Variants in AXIN1 observed in about 807,000 individuals in gnomAD.
AXIN1 encodes the protein axin 1.
In AXIN1, 30 loss-of-function variants were observed where a neutral mutation model predicts 76.4. That is an observed-to-expected ratio of 0.39 (90% CI 0.29 to 0.53). AXIN1 has a LOEUF of 0.53. Ranked by LOEUF, AXIN1 falls within the 20% of genes least tolerant of loss-of-function variation. The probability of loss-of-function intolerance (pLI) is 0.66; values close to 1 mark genes in which losing one functional copy is unlikely to be tolerated. For missense variants in AXIN1, 1,140 were observed against 1,198.8 expected (o/e 0.95, Z 0.72); for synonymous variants, 545 against 501.4 (o/e 1.09, Z -1.16).
At chr16:289,689 T>G in intron 9 of AXIN1, 82 bp from the exon 10 acceptor site, 1 of 1,570,256 alleles carries the variant, frequency 6.4e-7, no homozygotes. Flanking sequence ...AGGCTGCCAG[T>G]GTAAGGCGGG....
At chr16:318,838 G>C (rs1407578695) in intron 2 of AXIN1, among the ~76,000 whole-genome samples, 5 of 152,176 alleles carry the variant, frequency 3.3e-5, no homozygotes, top group Admixed American at 2.6e-4. Context: ...TGTGCGGTGA[G>C]AATGCGGCTG....
intron 2 of AXIN1, among the ~76,000 whole-genome samples, chr16:315,624 G>C (rs941649232): frequency 2.6e-5 from 4 of 152,052 alleles, no homozygotes; most frequent in Non-Finnish European, 5.9e-5. Flanking sequence ...TCAGGAGATC[G>C]AGACCATCCT....
rs574411603 is a variant in AXIN1 at position 308,664 on chromosome 16, G to A, written c.1116+1309C>T. Among the ~76,000 whole-genome samples the A allele has an allele frequency of 9.3e-4, 142 of 152,334 alleles. 1 individual carries two copies. Among genetic ancestry groups the A allele is most frequent in the Middle Eastern group, 3.4e-3 (1 of 292 alleles). On this transcript the variant is annotated intron_variant, in intron 4 of 10. Transcript: ENST00000262320. ...GGCCGGTGGCTGTGCAGGTGCCCTC[G>A]ACTTGGGCTGTGACCTCATGATAGC...
intron 2 of AXIN1, among the ~76,000 whole-genome samples, chr16:339,631 G>A (rs929537328): frequency 2.3e-4 from 35 of 151,344 alleles, no homozygotes; most frequent in African/African-American, 8.5e-4. Context: ...GCAGTAAGCC[G>A]AGATGGTGCC....
intron 5 of AXIN1, among the ~76,000 whole-genome samples, chr16:303,200 G>T (rs2052920920): frequency 6.6e-6 from 1 of 152,058 alleles, no homozygotes; most frequent in Admixed American, 6.6e-5. Context: ...CAGGTGGGAA[G>T]GGGTCTCCAG....
chr16:349,877 C>G (rs1407071800), intron 1 of AXIN1, among the ~76,000 whole-genome samples: 14 of 152,220 alleles, frequency 9.2e-5, no homozygotes, highest in Non-Finnish European at 1.5e-5. Flanking sequence ...CAGCTCACTG[C>G]AGCCTCAGCT....
At chr16:289,057 G>A (rs1223067883) in intron 10 of AXIN1, among the ~76,000 whole-genome samples, 1 of 151,928 alleles carries the variant, frequency 6.6e-6, no homozygotes, top group Non-Finnish European at 1.5e-5. Flanking sequence ...GACATGAGCT[G>A]AAATGGCCGG....
chr16:297,844 G>A lies in AXIN1; in HGVS notation c.1662C>T (p.Ala554=), dbSNP rs775477536. The change falls in exon 6 of 11, where the codon GCC becomes GCT. Residue 554 remains alanine, a synonymous_variant. Coordinates refer to ENST00000262320, the MANE Select transcript of AXIN1 (RefSeq NM_003502.4). ...CGAAGCTGCTCTGGGCCCTGCGGGT[G>A]GCCTCGGCCTCCACCTGCTCCTTGG... ...ARPKEQVEAE[A]TRRAQSSFAW... 1 of 1,576,634 alleles carries A rather than the reference G, an allele frequency of 6.3e-7. No individual in the cohort carries two copies. Among genetic ancestry groups the A allele is most frequent in the Non-Finnish European group, 8.6e-7 (1 of 1,160,298 alleles).
intron 2 of AXIN1, among the ~76,000 whole-genome samples, chr16:339,575 G>T (rs1021544075): frequency 6.6e-6 from 1 of 151,936 alleles, no homozygotes; most frequent in African/African-American, 2.4e-5. Context: ...CCAGCTACTG[G>T]GGAGGTTGGG....
Position 293,684 on chromosome 16 carries a change from T to C in AXIN1, c.1990A>G (p.Asn664Asp), listed in dbSNP as rs2141487053. Residue 664 changes from asparagine to aspartate, a missense_variant, in exon 8 of 11, where the codon AAC (asparagine) becomes GAC (aspartate). This residue lies in a region of AXIN1 where 429 missense variants were observed against 405.8 expected (regional missense o/e 1.06). Coordinates refer to ENST00000262320, the MANE Select transcript of AXIN1 (RefSeq NM_003502.4). The surrounding 1 kb of genome is among the most constrained non-coding windows in gnomAD (Gnocchi z 4.6). ...TGCTCAAGGGACAAGGGTCTGGAGT[T>C]CTCATGGGGCTGTGGCTTCCTCGTC... Reference protein sequence around the residue: ...SGTRKPQPHENSRPLSLEHPW... With the variant: ...SGTRKPQPHEDSRPLSLEHPW... 6.2e-7 allele frequency: 1 copy of C among 1,613,632 alleles called. No individual in the cohort carries two copies. The highest frequency in any genetic ancestry group is 8.5e-7 in the Non-Finnish European group (1 of 1,179,962).
rs999532397 is a variant in AXIN1 at position 287,523 on chromosome 16, A to T, written c.*599T>A. 1.6e-5 allele frequency: 5 copies of T among 314,788 alleles called. No individual in the cohort carries two copies. Among genetic ancestry groups the T allele is most frequent in the Non-Finnish European group, 2.3e-5 (4 of 170,370 alleles). 19.5% of individuals were successfully genotyped at this position (314,788 alleles called of 1,614,324 possible). A position where few individuals can be genotyped will look rare whatever the true frequency, so the allele number is the denominator to read the frequency against. ...ATTGTACAAGTGTCATCGCATGAAAAACAGACTCGGGCAGCCCCTGCTGGC... is the reference window on the plus strand; with the variant it reads ...ATTGTACAAGTGTCATCGCATGAAATACAGACTCGGGCAGCCCCTGCTGGC... On this transcript the variant is annotated 3_prime_UTR_variant, in exon 11 of 11. Transcript: ENST00000262320.
At chr16:343,596 G>A (rs959492829) in intron 2 of AXIN1, among the ~76,000 whole-genome samples, 5 of 152,064 alleles carry the variant, frequency 3.3e-5, no homozygotes, top group East Asian at 1.9e-4. Flanking sequence ...CCAGCTACTC[G>A]GGAGGCTGAG....
chr16:311,672 G>A (rs1209529784), intron 3 of AXIN1, among the ~76,000 whole-genome samples: 1 of 152,162 alleles, frequency 6.6e-6, no homozygotes, highest in African/African-American at 2.4e-5. Flanking sequence ...TCGGGAGGCT[G>A]AGGCAGGAGA....
chr16:347,017 G>C lies in AXIN1; in HGVS notation c.9C>G (p.Ile3Met). 3 of 1,614,124 alleles carry C rather than the reference G, an allele frequency of 1.9e-6. No individual in the cohort carries two copies. Among genetic ancestry groups the C allele is most frequent in the Non-Finnish European group, 2.5e-6 (3 of 1,180,040 alleles). MN[I>M]QEQGFPLDLG... ...GGTCCAAGGGGAAACCCTGCTCTTG[G>C]ATATTCATTTTGGGACTCTGCGTCA... Residue 3 changes from isoleucine to methionine, a missense_variant, in exon 2 of 11, where the codon ATC becomes ATG. Around this residue, in one of 3 missense-constraint regions of AXIN1, gnomAD observed 708 missense variants for 776.9 expected, o/e 0.91. Coordinates refer to ENST00000262320, the MANE Select transcript of AXIN1 (RefSeq NM_003502.4).
At position 320,743 on chromosome 16, in the gene AXIN1, A is replaced by ATTTTTT. The variant is rs71299927; in HGVS notation, c.879-6066_879-6061dup. On this transcript the variant is annotated intron_variant, in intron 2 of 10. Coordinates refer to ENST00000262320, the MANE Select transcript of AXIN1 (RefSeq NM_003502.4). ...TGTGTGTATATATATATATATATAT[A>ATTTTTT]TTTTTTTTTTTTTTGAGACGGAGCC... Among the ~76,000 whole-genome samples, 191 of 107,622 alleles carry ATTTTTT rather than the reference A, an allele frequency of 1.8e-3. 6 individuals carry two copies. The highest frequency in any genetic ancestry group is 8.3e-3 in the African/African-American group (180 of 21,770). 70.6% of individuals were successfully genotyped at this position (107,622 alleles called of 152,430 possible).
chr16:290,983 T>C (rs2052541391), intron 9 of AXIN1: 2 of 630,120 alleles, frequency 3.2e-6, no homozygotes, highest in South Asian at 3.6e-5. Flanking sequence ...GTCATCATGC[T>C]GGACAGTCAG....
intron 2 of AXIN1, among the ~76,000 whole-genome samples, chr16:329,148 T>C (rs1041519900): frequency 6.6e-6 from 1 of 151,454 alleles, no homozygotes; most frequent in Non-Finnish European, 1.5e-5. Context: ...CGTGGTGGTG[T>C]GCACCTGTAA....
At chr16:289,747 G>T (rs925915485) in intron 9 of AXIN1, 140 bp from the exon 10 acceptor site, 1 of 1,004,096 alleles carries the variant, frequency 1.0e-6, no homozygotes, top group Non-Finnish European at 1.5e-6. Context: ...CCTGGGGCCC[G>T]CAGCCCCCGC....
At chr16:342,092 C>T (rs572920194) in intron 2 of AXIN1, among the ~76,000 whole-genome samples, 1 of 152,322 alleles carries the variant, frequency 6.6e-6, no homozygotes, top group South Asian at 2.1e-4. Context: ...CGCTCGGGTC[C>T]CCTTCCATAG....
Sources: gnomAD v4.1 joint callset for allele counts (sites outside exome capture counted in the v4.1 genomes callset) on GRCh38, gnomAD v4.1.1 for gene constraint, gnomAD v4.1.1 regional missense constraint, Gnocchi (gnomAD v3.1) non-coding constraint, MANE v1.5 for transcripts, NCBI Gene and HGNC (gene_info 2026-07-23, HGNC 2026-07-21) for gene names.